Variants in DGKK observed in about 807,000 individuals in gnomAD.
DGKK encodes 142 kDa diacylglycerol kinase.
Under a neutral mutation model 92.2 loss-of-function variants are expected in DGKK, and 35 were observed. The observed-to-expected ratio is 0.38, with a 90% CI of 0.29 to 0.50. The LOEUF is 0.50. Among genes scored for constraint, DGKK ranks in the 20% least tolerant of loss-of-function variants. DGKK has a pLI of 0.92. For synonymous variants in DGKK, 368 were observed against 360.6 expected (o/e 1.02, Z -0.23); for missense variants, 910 against 992.2 (o/e 0.92, Z 1.11).
At position 50,368,959 on chromosome X, in the gene DGKK, G is replaced by A. The variant is rs1421262925; in HGVS notation, c.3797C>T (p.Pro1266Leu). ...DEAEGDDPLTPSRSQL is the reference protein window; with the variant it reads ...DEAEGDDPLTLSRSQL ...CAAGGGCTACAGTTGAGATCTCGAT[G>A]GTGTTAGAGGATCATCACCCTCTGC... The change falls in exon 28 of 28, where the codon CCA (proline) becomes CTA (leucine). Residue 1266 changes from proline to leucine, a missense_variant. Physicochemically the swap from Pro to Leu is moderately conservative, Grantham distance 98. Transcript: ENST00000611977. 1.7e-6 allele frequency: 2 copies of A among 1,208,590 alleles called. No homozygotes were observed. Among genetic ancestry groups the A allele is most frequent in the Non-Finnish European group, 2.2e-6 (2 of 893,724 alleles).
intron 1 of DGKK, among the ~76,000 whole-genome samples, chrX:50,433,171 C>G (rs1181439605): frequency 8.9e-6 from 1 of 112,302 alleles, no homozygotes; most frequent in African/African-American, 3.2e-5. Flanking sequence ...GATGGAGATA[C>G]AAGCTCTGGT....
Position 50,371,724 on chromosome X carries a change from C to T in DGKK, c.3612G>A (p.Glu1204=). 8.4e-7 allele frequency: 1 copy of T among 1,187,079 alleles called. No individual in the cohort carries two copies. The part of the protein sequence containing the change: ...IDWMNPIFVP[E]EKSSDTDSRS... ...TTTCCCAATTCCCAAGATTACGCACCTCTGGAACAAAGATTGGATTCATCC... is the reference window on the plus strand; with the variant it reads ...TTTCCCAATTCCCAAGATTACGCACTTCTGGAACAAAGATTGGATTCATCC... Residue 1204 remains glutamate, a splice_region_variant and synonymous_variant, in exon 26 of 28, where the codon GAG becomes GAA. Coordinates refer to ENST00000611977, the MANE Select transcript of DGKK (RefSeq NM_001013742.4).
intron 9 of DGKK, among the ~76,000 whole-genome samples, chrX:50,392,689 A>T: frequency 8.9e-6 from 1 of 112,312 alleles, no homozygotes; most frequent in Non-Finnish European, 1.9e-5. Context: ...ACCTAAACAG[A>T]CCCATTTGCT....
At chrX:50,418,879 A>G (rs782135861) in intron 4 of DGKK, among the ~76,000 whole-genome samples, 1 of 112,049 alleles carries the variant, frequency 8.9e-6, no homozygotes, top group South Asian at 3.7e-4. Flanking sequence ...CAATAATTAA[A>G]ATTCAAAACA....
At position 50,447,107 on chromosome X, in the gene DGKK, T is replaced by G. The variant is rs191903360; in HGVS notation, c.646-22749A>C. On this transcript the variant is annotated intron_variant, in intron 1 of 27. Coordinates refer to ENST00000611977, the MANE Select transcript of DGKK (RefSeq NM_001013742.4). ...CTGATGTGCATGGGGAGGAAATAGCTCATAAAATTACAATTCCTCTTCAAA... is the reference window on the plus strand; with the variant it reads ...CTGATGTGCATGGGGAGGAAATAGCGCATAAAATTACAATTCCTCTTCAAA... 7.4e-3 allele frequency among the ~76,000 whole-genome samples: 751 copies of G among 101,966 alleles called. 4 individuals carry two copies. The highest frequency in any genetic ancestry group is 0.011 in the Non-Finnish European group (535 of 50,422). The allele number at this position is 101,966 out of a possible 115,157, so 88.5% of individuals were successfully genotyped here.
rs1372229797 is a variant in DGKK at position 50,452,415 on chromosome X, G to T, written c.645+17619C>A. On this transcript the variant is annotated intron_variant, in intron 1 of 27. Transcript: ENST00000611977. ...CTCCAAAGCGGGGAAGTGAAGTAAA[G>T]AAATCGCCTTCTTCACTAGGCTTCT... is the stretch of plus-strand genomic sequence containing the variant. Among the ~76,000 whole-genome samples, 7 of 112,185 alleles carry T rather than the reference G, an allele frequency of 6.2e-5. No individual in the cohort carries two copies. In the South Asian group the frequency reaches 2.6e-3, roughly 42 times the overall value.
chrX:50,379,272 G>GATCT lies in DGKK; in HGVS notation c.2862+351_2862+354dup, dbSNP rs1459979960. 5.3e-5 allele frequency among the ~76,000 whole-genome samples: 5 copies of GATCT among 95,135 alleles called. No homozygotes were observed. In the Admixed American group the frequency reaches 6.4e-4, roughly 12 times the overall value. 82.6% of individuals were successfully genotyped at this position (95,135 alleles called of 115,157 possible). ...GGAGGCGGAGGTTGCAGTGAGCTGA[G>GATCT]ATCTTGCCACTCCAGCCTGGATGAC... On this transcript the variant is annotated intron_variant, in intron 20 of 27. Coordinates refer to ENST00000611977, the MANE Select transcript of DGKK (RefSeq NM_001013742.4).
rs1557226987 is a variant in DGKK, at chrX:50,404,202, G to A, written c.943-18C>T. 1 of 1,193,095 alleles carries A rather than the reference G, an allele frequency of 8.4e-7. No homozygotes were observed. Among genetic ancestry groups the A allele is most frequent in the South Asian group, 1.9e-5 (1 of 53,757 alleles). On this transcript the variant is annotated intron_variant, in intron 4 of 27. Coordinates refer to ENST00000611977, the MANE Select transcript of DGKK (RefSeq NM_001013742.4). ...GCAGGTATCTAAAATAAATAAACGA[G>A]AAGAGAGAATGGAGGATGAATCACA...
At position 50,422,436 on chromosome X, in the gene DGKK, TCTTA is replaced by T; in HGVS notation, c.837+6_837+9del. ...CCCCTGCCCATTCAGTCATTCCCAA[TCTTA>T]CTTACACAAAAACTGTGGCAAAGGT... On this transcript the variant is annotated splice_donor_region_variant and intron_variant, in intron 3 of 27. Coordinates refer to ENST00000611977, the MANE Select transcript of DGKK (RefSeq NM_001013742.4). 1 of 1,190,997 alleles carries T rather than the reference TCTTA, an allele frequency of 8.4e-7. No homozygotes were observed. The highest frequency in any genetic ancestry group is 3.0e-5 in the East Asian group (1 of 33,249).
At chrX:50,408,997 C>T (rs975837729) in intron 4 of DGKK, among the ~76,000 whole-genome samples, 2 of 111,068 alleles carry the variant, frequency 1.8e-5, no homozygotes, top group Non-Finnish European at 3.8e-5. Context: ...GAATTGTATC[C>T]CCCTAAAGGA....
At chrX:50,398,973 T>C (rs1924925625) in intron 8 of DGKK, among the ~76,000 whole-genome samples, 1 of 112,550 alleles carries the variant, frequency 8.9e-6, no homozygotes, top group Non-Finnish European at 1.9e-5. Context: ...GGCAAGTATC[T>C]CTTATTTACT....
chrX:50,461,990 G>C (rs1926757779), intron 1 of DGKK, among the ~76,000 whole-genome samples: 1 of 111,334 alleles, frequency 9.0e-6, no homozygotes, highest in Non-Finnish European at 1.9e-5. Flanking sequence ...TCCCTGTTAG[G>C]TAGGGGTGTC....
chrX:50,397,239 A>G (rs1557226199), intron 8 of DGKK, among the ~76,000 whole-genome samples: 1 of 111,861 alleles, frequency 8.9e-6, no homozygotes, highest in Non-Finnish European at 1.9e-5. Context: ...CATTAATATA[A>G]CCATAGTGCC....
rs189623978 is a variant in DGKK, at chrX:50,375,937, G to A, written c.3414+87C>T. On this transcript the variant is annotated intron_variant, in intron 24 of 27. Coordinates refer to ENST00000611977, the MANE Select transcript of DGKK (RefSeq NM_001013742.4). ...CCTGCCATATTTGCCCAGTTTCTCCGTCCAGCCTCCGGCTCCACTTCTTTC... is the reference window on the plus strand; with the variant it reads ...CCTGCCATATTTGCCCAGTTTCTCCATCCAGCCTCCGGCTCCACTTCTTTC... 8.8e-5 allele frequency: 95 copies of A among 1,077,190 alleles called. No homozygotes were observed. The East Asian group carries it at 1.4e-3, about 16-fold the overall frequency. 88.8% of individuals were successfully genotyped at this position (1,077,190 alleles called of 1,213,427 possible). A position where few individuals can be genotyped will look rare whatever the true frequency, so the allele number is the denominator to read the frequency against.
chrX:50,446,102 G>A (rs181578810), intron 1 of DGKK, among the ~76,000 whole-genome samples: 1,124 of 111,168 alleles, frequency 0.01, 7 homozygotes, highest in Middle Eastern at 0.048. Flanking sequence ...TGGTGTATAG[G>A]AATGCTAGTG....
At chrX:50,398,918 C>G (rs1183046331) in intron 8 of DGKK, among the ~76,000 whole-genome samples, 1 of 112,108 alleles carries the variant, frequency 8.9e-6, no homozygotes, top group South Asian at 3.7e-4. Context: ...TACTTTTCTT[C>G]TTGTATCAAC....
chrX:50,381,365 G>C (rs1924409898), intron 18 of DGKK, among the ~76,000 whole-genome samples: 1 of 111,443 alleles, frequency 9.0e-6, no homozygotes, highest in Admixed American at 9.5e-5. Flanking sequence ...CTACTTGGGA[G>C]GCTGAGGCAG....
At chrX:50,394,541 C>A (rs781859942) in intron 8 of DGKK, among the ~76,000 whole-genome samples, 3 of 111,769 alleles carry the variant, frequency 2.7e-5, no homozygotes, top group Non-Finnish European at 3.8e-5. Flanking sequence ...AATACATTAT[C>A]CAAAAGTAGT....
At chrX:50,468,690 A>G (rs1557234217) in intron 1 of DGKK, among the ~76,000 whole-genome samples, 2 of 111,427 alleles carry the variant, frequency 1.8e-5, no homozygotes, top group African/African-American at 6.6e-5. Context: ...CTAAGAACTC[A>G]GGAAGCAACC....
Sources: allele counts gnomAD v4.1 joint callset (sites outside exome capture counted in the v4.1 genomes callset), GRCh38; gene constraint gnomAD v4.1.1; transcripts MANE v1.5; gene names NCBI Gene and HGNC (gene_info 2026-07-23, HGNC 2026-07-21).